The following PCDHA12 variants were observed in gnomAD, a reference collection of about 807,000 sequenced individuals.
PCDHA12 encodes the protein protocadherin alpha-12.
PCDHA12 carries 44 observed loss-of-function variants against 60.0 expected under a neutral mutation model. The ratio of observed to expected loss-of-function variants is 0.73; its 90% confidence interval spans 0.58 to 0.94. The LOEUF is 0.94. PCDHA12 is among the 40% of genes least tolerant of loss of function. The pLI is 0.00. For missense variants in PCDHA12, 1,276 were observed against 1,239.7 expected (o/e 1.03, Z -0.44); for synonymous variants, 569 against 553.0 (o/e 1.03, Z -0.40).
intron 1 of PCDHA12, among the ~76,000 whole-genome samples, chr5:140,977,021 A>G (rs1249097233): frequency 1.3e-5 from 2 of 152,190 alleles, no homozygotes; most frequent in East Asian, 3.8e-4. Context: ...ATTCTGTCAA[A>G]TGAATCTAAG....
intron 1 of PCDHA12, chr5:140,882,302 C>T (rs2059055627): frequency 1.2e-6 from 2 of 1,613,794 alleles, no homozygotes; most frequent in Non-Finnish European, 8.5e-7. Context: ...CCCAAGACCG[C>T]GGCAACTACT....
At chr5:140,881,025 C>A (rs1554171683) in intron 1 of PCDHA12, among the ~76,000 whole-genome samples, 1 of 152,216 alleles carries the variant, frequency 6.6e-6, no homozygotes, top group Admixed American at 6.5e-5. Context: ...ATAAACCCAA[C>A]AGTCATTTCC....
At chr5:140,894,365 A>G (rs1375287003) in intron 1 of PCDHA12, among the ~76,000 whole-genome samples, 4 of 151,966 alleles carry the variant, frequency 2.6e-5, no homozygotes, top group African/African-American at 7.2e-5. Context: ...TTCTTCTTCA[A>G]TGGCTCCAAT....
chr5:140,885,638 A>C (rs1490773479), intron 1 of PCDHA12, among the ~76,000 whole-genome samples: 10 of 152,184 alleles, frequency 6.6e-5, no homozygotes, highest in Admixed American at 5.2e-4. Flanking sequence ...ATTGCCTTCC[A>C]AGTATTTTGG....
rs894945353 is a variant in PCDHA12 at position 140,936,140 on chromosome 5, G to A, written c.2368-42809G>A. ...ACTCCTGACCTTAAGTGATCTGCCC[G>A]CCTTGGCCTCCTAAAGTGCTGGGAT... is the stretch of plus-strand genomic sequence containing the variant. On this transcript the variant is annotated intron_variant, in intron 1 of 3. Coordinates refer to ENST00000398631, the MANE Select transcript of PCDHA12 (RefSeq NM_018903.4). 7.2e-5 allele frequency among the ~76,000 whole-genome samples: 11 copies of A among 152,050 alleles called. 1 individual carries two copies. The highest frequency in any genetic ancestry group is 6.6e-4 in the Admixed American group (10 of 15,256).
intron 1 of PCDHA12, among the ~76,000 whole-genome samples, chr5:140,924,932 AAAAT>A (rs2082199458): frequency 7.6e-6 from 1 of 131,842 alleles, no homozygotes; most frequent in East Asian, 2.6e-4. Flanking sequence ...AAAATAAAAT[AAAAT>A]AAAAAGTTAA....
intron 1 of PCDHA12, among the ~76,000 whole-genome samples, chr5:140,972,015 G>A (rs782728118): frequency 2.6e-5 from 4 of 152,004 alleles, no homozygotes; most frequent in Admixed American, 6.5e-5. Context: ...CCTTTTATAT[G>A]GGATATTCAG....
intron 1 of PCDHA12, among the ~76,000 whole-genome samples, chr5:140,954,779 G>T (rs2095086497): frequency 6.6e-6 from 1 of 152,108 alleles, no homozygotes; most frequent in Non-Finnish European, 1.5e-5. Flanking sequence ...AATTTAATTA[G>T]ATCTCATTTG....
chr5:140,951,520 A>G (rs904780831), intron 1 of PCDHA12, among the ~76,000 whole-genome samples: 6 of 151,972 alleles, frequency 3.9e-5, no homozygotes, highest in Admixed American at 2.0e-4. Context: ...CTCATCTTAC[A>G]TGGCCGGTGC....
At position 140,928,478 on chromosome 5, in the gene PCDHA12, A is replaced by T. The variant is rs1554205922; in HGVS notation, c.2368-50471A>T. Reference sequence around the variant, plus strand: ...TTTCATTTCCAAGTAGAAGGCCGGGATGGTGGCATTCCTCCCAGAAGTGCA... The same window carrying T: ...TTTCATTTCCAAGTAGAAGGCCGGGTTGGTGGCATTCCTCCCAGAAGTGCA... On this transcript the variant is annotated intron_variant, in intron 1 of 3. Coordinates refer to ENST00000398631, the MANE Select transcript of PCDHA12 (RefSeq NM_018903.4). 2.5e-5 allele frequency: 40 copies of T among 1,614,132 alleles called. No individual in the cohort carries two copies. The highest frequency in any genetic ancestry group is 3.3e-5 in the Non-Finnish European group (39 of 1,180,008).
chr5:140,903,498 T>C (rs1205249543), intron 1 of PCDHA12, among the ~76,000 whole-genome samples: 2 of 152,320 alleles, frequency 1.3e-5, no homozygotes, highest in East Asian at 1.9e-4. Context: ...GCAGGTACCA[T>C]AGATAATAGT....
rs371269236 is a variant in PCDHA12, at chr5:141,009,740, G to A, written c.2629G>A (p.Asp877Asn). Residue 877 changes from aspartate to asparagine, a missense_variant, in exon 4 of 4, where the codon GAC becomes AAC. Asp to Asn is a conservative substitution (Grantham distance 23, BLOSUM62 1). Coordinates refer to ENST00000398631, the MANE Select transcript of PCDHA12 (RefSeq NM_018903.4). ...PKQSGPGELP[D>N]KFIIPGSPAI... ...ACAATCCGGTCCCGGTGAGTTGCCC[G>A]ACAAATTCATTATCCCAGGATCTCC... The A allele has an allele frequency of 1.8e-4, 293 of 1,613,962 alleles. No individual in the cohort carries two copies. Among genetic ancestry groups the A allele is most frequent in the East Asian group, 1.6e-3 (74 of 44,884 alleles).
At position 140,877,489 on chromosome 5, in the gene PCDHA12, G is replaced by A; in HGVS notation, c.2017G>A (p.Gly673Ser). ...ATVLVSLVEN[G>S]QAPKTSSRAS... is the part of the protein sequence containing the mutation. ...GGTGCTGGTGTCGCTGGTGGAGAAC[G>A]GCCAGGCCCCAAAGACGTCGTCGCG... is the stretch of plus-strand genomic sequence containing the variant. The change falls in exon 1 of 4, where the codon GGC (glycine) becomes AGC (serine). Residue 673 changes from glycine (G) to serine (S), a missense_variant. Coordinates refer to ENST00000398631, the MANE Select transcript of PCDHA12 (RefSeq NM_018903.4). 1 of 1,613,844 alleles carries A rather than the reference G, an allele frequency of 6.2e-7. No homozygotes were observed. The highest frequency in any genetic ancestry group is 8.5e-7 in the Non-Finnish European group (1 of 1,179,858).
chr5:140,877,488 C>A lies in PCDHA12; in HGVS notation c.2016C>A (p.Asn672Lys), dbSNP rs781785108. Residue 672 changes from asparagine to lysine, a missense_variant, in exon 1 of 4, where the codon AAC becomes AAA. By Grantham distance (94) the Asn-to-Lys change is moderately conservative. Coordinates refer to ENST00000398631, the MANE Select transcript of PCDHA12 (RefSeq NM_018903.4). ...CGGTGCTGGTGTCGCTGGTGGAGAACGGCCAGGCCCCAAAGACGTCGTCGC... is the reference window on the plus strand; with the variant it reads ...CGGTGCTGGTGTCGCTGGTGGAGAAAGGCCAGGCCCCAAAGACGTCGTCGC... ...TATVLVSLVENGQAPKTSSRA... is the reference protein window; with the variant it reads ...TATVLVSLVEKGQAPKTSSRA... The A allele has an allele frequency of 2.5e-6, 4 of 1,613,736 alleles. No individual in the cohort carries two copies. The African/African-American group carries it at 5.3e-5, about 22-fold the overall frequency.
intron 3 of PCDHA12, chr5:140,988,965 TG>T (rs1227130828): frequency 6.6e-6 from 1 of 152,162 alleles, no homozygotes; most frequent in Non-Finnish European, 1.5e-5. Context: ...AGCCCCACGA[TG>T]GAGAGAAGCA....
intron 1 of PCDHA12, among the ~76,000 whole-genome samples, chr5:140,905,354 A>T (rs926429746): frequency 3.3e-5 from 5 of 152,030 alleles, no homozygotes; most frequent in Non-Finnish European, 5.9e-5. Context: ...TAAGTATTTG[A>T]CTATATTTCT....
At position 140,892,638 on chromosome 5, in the gene PCDHA12, T is replaced by C. The variant is rs151070567; in HGVS notation, c.2367+14799T>C. Among the ~76,000 whole-genome samples the C allele has an allele frequency of 1.2e-4, 19 of 152,324 alleles. No homozygotes were observed. The East Asian group carries it at 2.5e-3, about 20-fold the overall frequency. ...CCAGTTGGTACATAATAATTGTACA[T>C]ATTTATAGGATACAGAGTGACATTT... is the stretch of plus-strand genomic sequence containing the variant. On this transcript the variant is annotated intron_variant, in intron 1 of 3. Transcript: ENST00000398631.
chr5:140,950,605 A>T (rs1199751655), intron 1 of PCDHA12, among the ~76,000 whole-genome samples: 1 of 151,926 alleles, frequency 6.6e-6, no homozygotes, highest in Non-Finnish European at 1.5e-5. Flanking sequence ...TTTGACTATG[A>T]TGTGCTTATT....
chr5:141,000,603 T>C (rs1237883625), intron 3 of PCDHA12, among the ~76,000 whole-genome samples: 1 of 150,986 alleles, frequency 6.6e-6, no homozygotes, highest in Admixed American at 6.6e-5. Flanking sequence ...AATTTTTGTA[T>C]TTTTAGTAGA....
Sources: gnomAD v4.1 joint callset for allele counts (sites outside exome capture counted in the v4.1 genomes callset) on GRCh38, gnomAD v4.1.1 for gene constraint, MANE v1.5 for transcripts, NCBI Gene and HGNC (gene_info 2026-07-23, HGNC 2026-07-21) for gene names.